ASXL2: variants seen among roughly 807,000 people sequenced by gnomAD.
ASXL2 encodes the protein putative Polycomb group protein ASXL2.
In ASXL2, 23 loss-of-function variants were observed where a neutral mutation model predicts 122.0. The ratio of observed to expected loss-of-function variants is 0.19; its 90% CI spans 0.14 to 0.27. ASXL2 has a LOEUF of 0.27. Ranked by LOEUF, ASXL2 falls within the 10% of genes least tolerant of loss-of-function variation. The pLI, the probability that ASXL2 is intolerant of heterozygous loss-of-function variation, is 1.00. For missense variants in ASXL2, 1,518 were observed against 1,713.8 expected (o/e 0.89, Z 2.02); for synonymous variants, 650 against 637.0 (o/e 1.02, Z -0.31).
intron 1 of ASXL2, among the ~76,000 whole-genome samples, chr2:25,862,702 T>C (rs2089853767): frequency 6.6e-6 from 1 of 151,962 alleles, no homozygotes; most frequent in South Asian, 2.1e-4. Flanking sequence ...CAGGTTCAAG[T>C]GATTCTCCTG....
At chr2:25,762,349 A>C (rs569522264) in intron 8 of ASXL2, among the ~76,000 whole-genome samples, 1 of 151,224 alleles carries the variant, frequency 6.6e-6, no homozygotes, top group East Asian at 1.9e-4. Context: ...AAGCCAAAAA[A>C]CCTTTTCAGA....
In ASXL2 at chr2:25,756,012, A is replaced by G. The variant is rs2088126712; in HGVS notation, c.1036+6T>C. The stretch of plus-strand genomic sequence containing the variant: ...ACCTGGGAGACACATTAAGTAGAGC[A>G]CTTACCTTCTGAGAGTCTTTCCTTC... On this transcript the variant is annotated splice_donor_region_variant and intron_variant, in intron 10 of 12. Coordinates refer to ENST00000435504, the MANE Select transcript of ASXL2 (RefSeq NM_018263.6). The G allele has an allele frequency of 6.2e-7, 1 of 1,609,986 alleles. No homozygotes were observed. Among genetic ancestry groups the G allele is most frequent in the Non-Finnish European group, 8.5e-7 (1 of 1,176,414 alleles).
Position 25,877,025 on chromosome 2 carries a change from A to C in ASXL2, c.57+1141T>G, listed in dbSNP as rs1333640388. ...GGTGAAATAAATGTGATTTTTTTTA[A>C]ATGTTCTTCTTTATACTTTTTTATA... On this transcript the variant is annotated intron_variant, in intron 1 of 12. Coordinates refer to ENST00000435504, the MANE Select transcript of ASXL2 (RefSeq NM_018263.6). Among the ~76,000 whole-genome samples, 4 of 152,190 alleles carry C rather than the reference A, an allele frequency of 2.6e-5. No individual in the cohort carries two copies. In the South Asian group the frequency reaches 6.2e-4, roughly 24 times the overall value.
intron 5 of ASXL2, among the ~76,000 whole-genome samples, chr2:25,780,601 C>T (rs868775164): frequency 1.3e-5 from 2 of 152,172 alleles, no homozygotes; most frequent in African/African-American, 4.8e-5. Context: ...CTGCACCATA[C>T]GTCCTGTAGG....
chr2:25,765,652 T>A (rs2088335295), intron 8 of ASXL2, among the ~76,000 whole-genome samples: 1 of 152,176 alleles, frequency 6.6e-6, no homozygotes, highest in Non-Finnish European at 1.5e-5. Context: ...TTATGGTTAA[T>A]TTTTCCTAGT....
intron 3 of ASXL2, chr2:25,830,676 T>A (rs1162798964): frequency 6.7e-6 from 1 of 149,766 alleles, no homozygotes; most frequent in East Asian, 1.9e-4. Context: ...ATAGCTCTCA[T>A]AAAAATGCTT....
At chr2:25,815,796 A>T (rs878223) in intron 3 of ASXL2, among the ~76,000 whole-genome samples, 38,819 of 152,018 alleles carry the variant, frequency 0.26, 5,177 homozygotes, top group Non-Finnish European at 0.29. Flanking sequence ...AAATGATGAG[A>T]TTCCTTCAAT....
Position 25,737,406 on chromosome 2 carries a change from A to G in ASXL2, c.*4623T>C, listed in dbSNP as rs2087754666. Reference sequence around the variant, plus strand: ...CACATTAATAAAGAGGCTGCACCGCATTTCTTCACTTTTCCAGTAATGTTA... The same window carrying G: ...CACATTAATAAAGAGGCTGCACCGCGTTTCTTCACTTTTCCAGTAATGTTA... On this transcript the variant is annotated 3_prime_UTR_variant, in exon 13 of 13. Transcript: ENST00000435504. The G allele has an allele frequency of 6.6e-6, 1 of 152,168 alleles. No homozygotes were observed. Among genetic ancestry groups the G allele is most frequent in the Non-Finnish European group, 1.5e-5 (1 of 68,016 alleles). 9.4% of individuals were successfully genotyped at this position (152,168 alleles called of 1,614,324 possible).
Position 25,750,305 on chromosome 2 carries a change from G to A in ASXL2, c.1251C>T (p.Ala417=), listed in dbSNP as rs1428297901. 6.2e-7 allele frequency: 1 copy of A among 1,613,984 alleles called. No individual in the cohort carries two copies. Among genetic ancestry groups the A allele is most frequent in the South Asian group, 1.1e-5 (1 of 91,072 alleles). Residue 417 remains alanine, a synonymous_variant, in exon 12 of 13, where the codon GCC becomes GCT. Coordinates refer to ENST00000435504, the MANE Select transcript of ASXL2 (RefSeq NM_018263.6). ...EQPKSMPVSE[A]SLIRIVPVVS... ...CTACTGGAACTATTCTGATAAGAGA[G>A]GCCTCTGACACAGGCATGGATTTTG...
intron 1 of ASXL2, 21 bp downstream of exon 1, chr2:25,878,145 C>T: frequency 6.2e-7 from 1 of 1,613,732 alleles, no homozygotes; most frequent in East Asian, 2.2e-5. Context: ...CCGGCCTTCC[C>T]CTTCGCTCCC....
intron 3 of ASXL2, chr2:25,822,740 A>G: frequency 4.5e-6 from 3 of 661,958 alleles, no homozygotes; most frequent in South Asian, 4.1e-5. Flanking sequence ...GGTTAACAAA[A>G]GGAAGGGCAA....
intron 2 of ASXL2, among the ~76,000 whole-genome samples, chr2:25,841,923 G>T (rs1471065219): frequency 6.7e-6 from 1 of 149,310 alleles, no homozygotes; most frequent in African/African-American, 2.5e-5. Flanking sequence ...CTCCAGCCTG[G>T]AGGACAGAGC....
At chr2:25,777,972 G>C (rs531112177) in intron 5 of ASXL2, among the ~76,000 whole-genome samples, 1 of 152,016 alleles carries the variant, frequency 6.6e-6, no homozygotes, top group African/African-American at 2.4e-5. Flanking sequence ...CTTCATCTGC[G>C]TATTATGATG....
At chr2:25,786,804 G>A (rs988655180) in intron 5 of ASXL2, among the ~76,000 whole-genome samples, 3 of 151,658 alleles carry the variant, frequency 2.0e-5, no homozygotes, top group Non-Finnish European at 2.9e-5. Flanking sequence ...GCAGTGAGCC[G>A]AGATCACACC....
chr2:25,826,712 A>T (rs1428978746), intron 3 of ASXL2, among the ~76,000 whole-genome samples: 2 of 149,228 alleles, frequency 1.3e-5, no homozygotes, highest in Non-Finnish European at 1.5e-5. Flanking sequence ...TTTATCCTTC[A>T]AAGCTCAATC....
At chr2:25,860,954 G>A (rs2089838352) in intron 1 of ASXL2, among the ~76,000 whole-genome samples, 1 of 152,048 alleles carries the variant, frequency 6.6e-6, no homozygotes, top group Non-Finnish European at 1.5e-5. Flanking sequence ...AGAGGTTGCA[G>A]TGAGCTGAGA....
chr2:25,827,321 TG>T (rs2089389460), intron 3 of ASXL2, among the ~76,000 whole-genome samples: 1 of 152,164 alleles, frequency 6.6e-6, no homozygotes, highest in Non-Finnish European at 1.5e-5. Flanking sequence ...CATACTTACA[TG>T]CCTTTACAAA....
At chr2:25,784,579 C>T (rs2088707784) in intron 5 of ASXL2, among the ~76,000 whole-genome samples, 1 of 152,206 alleles carries the variant, frequency 6.6e-6, no homozygotes, top group African/African-American at 2.4e-5. Context: ...ACTGATGTGT[C>T]AGCAAGGATG....
At chr2:25,860,568 G>A (rs928028992) in intron 1 of ASXL2, among the ~76,000 whole-genome samples, 3 of 151,652 alleles carry the variant, frequency 2.0e-5, no homozygotes, top group Admixed American at 6.6e-5. Flanking sequence ...CAAAAATGCC[G>A]GGCGTGGTGG....
Sources: allele counts gnomAD v4.1 joint callset (sites outside exome capture counted in the v4.1 genomes callset), GRCh38; gene constraint gnomAD v4.1.1; transcripts MANE v1.5; gene names NCBI Gene and HGNC (gene_info 2026-07-23, HGNC 2026-07-21).